The following ARHGAP39 variants were observed in gnomAD, a reference collection of about 807,000 sequenced individuals.
ARHGAP39 encodes the protein Rho GTPase activating protein 39.
In ARHGAP39, 44 loss-of-function variants were observed where a neutral mutation model predicts 106.9. That is an observed-to-expected ratio of 0.41 (90% confidence interval 0.32 to 0.53). ARHGAP39 has a LOEUF of 0.53. Ranked by LOEUF, ARHGAP39 falls within the 20% of genes least tolerant of loss-of-function variation. The probability of loss-of-function intolerance (pLI) is 0.21; values close to 1 mark genes in which losing one functional copy is unlikely to be tolerated. For synonymous variants in ARHGAP39, 768 were observed against 693.2 expected (o/e 1.11, Z -1.69); for missense variants, 1,496 against 1,577.3 (o/e 0.95, Z 0.87).
At chr8:144,653,888 C>A (rs1487766169) in intron 1 of ARHGAP39, among the ~76,000 whole-genome samples, 1 of 152,228 alleles carries the variant, frequency 6.6e-6, no homozygotes, top group Non-Finnish European at 1.5e-5. Context: ...TGTGAAAGAA[C>A]TGGCGCCGAA....
chr8:144,693,536 G>T, the ARHGAP39 span, among the ~76,000 whole-genome samples: 1 of 151,696 alleles, frequency 6.6e-6, no homozygotes, highest in South Asian at 2.1e-4. Flanking sequence ...GCCACCCCTG[G>T]CTAATTTTTT....
chr8:144,531,128 C>T (rs2721170), intron 10 of ARHGAP39, among the ~76,000 whole-genome samples: 16 of 150,578 alleles, frequency 1.1e-4, no homozygotes, highest in Non-Finnish European at 1.3e-4. Flanking sequence ...TCTCAGGAGT[C>T]GTCTGTGTAG....
At chr8:144,606,369 C>T (rs956734499) in intron 1 of ARHGAP39, among the ~76,000 whole-genome samples, 3 of 152,312 alleles carry the variant, frequency 2.0e-5, no homozygotes, top group East Asian at 1.9e-4. Context: ...TCCTTCTCCT[C>T]GGCCTACTCA....
intron 1 of ARHGAP39, among the ~76,000 whole-genome samples, chr8:144,652,316 T>C (rs1586638413): frequency 6.6e-6 from 1 of 152,182 alleles, no homozygotes. Context: ...ACACTGTTGG[T>C]GGGAATGTAA....
chr8:144,605,647 G>A lies in ARHGAP39; in HGVS notation c.-33C>T, dbSNP rs1820262805. 7 of 1,606,220 alleles carry A rather than the reference G, an allele frequency of 4.4e-6. No individual in the cohort carries two copies. The highest frequency in any genetic ancestry group is 1.6e-4 in the Middle Eastern group (1 of 6,078). On this transcript the variant is annotated 5_prime_UTR_variant, in exon 2 of 12. The change creates a new upstream start codon in the 5' untranslated region. Transcript: ENST00000377307. ...TGCTTCCGCGCCCACGTGGACAGAC[G>A]TCAGGGCACCATACGCACAACGCCA...
rs1328232038 is a variant in ARHGAP39, at chr8:144,581,071, T to C, written c.287A>G (p.Gln96Arg). 6.3e-7 allele frequency: 1 copy of C among 1,587,286 alleles called. No homozygotes were observed. Among genetic ancestry groups the C allele is most frequent in the Admixed American group, 1.8e-5 (1 of 55,254 alleles). Residue 96 changes from glutamine (Q) to arginine (R), a missense_variant, in exon 3 of 12, where the codon CAG becomes CGG. This residue lies in a region of ARHGAP39 where 25 missense variants were observed against 48.0 expected (regional missense o/e 0.52). Coordinates refer to ENST00000377307, the MANE Select transcript of ARHGAP39 (RefSeq NM_025251.3). ...STQRTVWHRPQGCDIIPLAKL... is the reference protein window; with the variant it reads ...STQRTVWHRPRGCDIIPLAKL... ...GGCCAGCGGGATGATGTCGCAGCCC[T>C]GCGGCCGGTGCCACACCGTGCGCTG...
intron 1 of ARHGAP39, among the ~76,000 whole-genome samples, chr8:144,676,926 C>T (rs751512007): frequency 6.6e-5 from 10 of 152,264 alleles, no homozygotes; most frequent in South Asian, 2.1e-4. Context: ...CTCACCTCCA[C>T]GCCCAGCTAA....
chr8:144,671,765 A>C lies in ARHGAP39; in HGVS notation c.-82+13921T>G, dbSNP rs1822107091. Among the ~76,000 whole-genome samples, 2 of 152,190 alleles carry C rather than the reference A, an allele frequency of 1.3e-5. No individual in the cohort carries two copies. The highest frequency in any genetic ancestry group is 1.3e-4 in the Admixed American group (2 of 15,282). Reference sequence around the variant, plus strand: ...GCACACGGCCACCTCTGCTGTCCACAGGATGTTAGCACAACTCACTCCCGT... The same window carrying C: ...GCACACGGCCACCTCTGCTGTCCACCGGATGTTAGCACAACTCACTCCCGT... On this transcript the variant is annotated intron_variant, in intron 1 of 11. Transcript: ENST00000377307. The surrounding 1 kb of genome is among the most constrained non-coding windows in gnomAD (Gnocchi z 4.5).
chr8:144,547,542 TC>T lies in ARHGAP39; in HGVS notation c.1543del (p.Asp515ThrfsTer22), dbSNP rs1387829850. 6.8e-7 allele frequency: 1 copy of T among 1,474,674 alleles called. No individual in the cohort carries two copies. The highest frequency in any genetic ancestry group is 9.0e-7 in the Non-Finnish European group (1 of 1,116,324). The allele number at this position is 1,474,674 out of a possible 1,614,324, so 91.3% of individuals were successfully genotyped here. ...TSATPTEGPG[D>X]LLVEQPLAEE... ...GGCCAGGGGCTGCTCCACAAGCAGG[TC>T]CCCGGGGCCCTCAGTGGGGGTGGCG... is the stretch of plus-strand genomic sequence containing the variant. On this transcript the variant is annotated frameshift_variant, in exon 5 of 12. Coordinates refer to ENST00000377307, the MANE Select transcript of ARHGAP39 (RefSeq NM_025251.3). LOFTEE classifies it high-confidence loss of function. The surrounding 1 kb of genome is among the most constrained non-coding windows in gnomAD (Gnocchi z 5.2).
chr8:144,648,345 T>G (rs181005997), intron 1 of ARHGAP39, among the ~76,000 whole-genome samples: 1 of 152,300 alleles, frequency 6.6e-6, no homozygotes, highest in East Asian at 1.9e-4. Context: ...TACAACTATT[T>G]TAGGCCCCTA....
At chr8:144,639,903 G>A (rs970127741) in intron 1 of ARHGAP39, among the ~76,000 whole-genome samples, 8 of 152,084 alleles carry the variant, frequency 5.3e-5, no homozygotes, top group African/African-American at 1.2e-4. Flanking sequence ...TTTGTTACAC[G>A]GATGCTTTGT....
At position 144,617,359 on chromosome 8, in the gene ARHGAP39, A is replaced by T. The variant is rs1384244638; in HGVS notation, c.-81-11664T>A. On this transcript the variant is annotated intron_variant, in intron 1 of 11. Coordinates refer to ENST00000377307, the MANE Select transcript of ARHGAP39 (RefSeq NM_025251.3). Reference sequence around the variant, plus strand: ...TGGCAGGCGGGACAAGCGGCGCAGCACCAGCAAGAGCCAGGAGACCTGAGC... The same window carrying T: ...TGGCAGGCGGGACAAGCGGCGCAGCTCCAGCAAGAGCCAGGAGACCTGAGC... Among the ~76,000 whole-genome samples, 9 of 152,268 alleles carry T rather than the reference A, an allele frequency of 5.9e-5. 1 individual carries two copies. The South Asian group carries it at 1.9e-3, about 32-fold the overall frequency.
Position 144,548,040 on chromosome 8 carries a change from G to T in ARHGAP39, c.1046C>A (p.Pro349Gln), listed in dbSNP as rs375011598. 1.1e-5 allele frequency: 18 copies of T among 1,603,726 alleles called. No individual in the cohort carries two copies. The Middle Eastern group carries it at 5.0e-4, about 44-fold the overall frequency. The change falls in exon 5 of 12, where the codon CCG (proline) becomes CAG (glutamine). Residue 349 changes from proline (P) to glutamine (Q), a missense_variant. By Grantham distance (76) the Pro-to-Gln change is moderately conservative. Around this residue, in one of 4 missense-constraint regions of ARHGAP39, gnomAD observed 905 missense variants for 816.4 expected, o/e 1.11. Transcript: ENST00000377307. The surrounding 1 kb of genome is among the most constrained non-coding windows in gnomAD (Gnocchi z 7.4). ...GYQAGSPQRS[P>Q]GRKPRPFLQP... Reference sequence around the variant, plus strand: ...GAGGAACGGCCGGGGCTTACGGCCCGGCGACCGCTGGGGAGAGCCGGCCTG... The same window carrying T: ...GAGGAACGGCCGGGGCTTACGGCCCTGCGACCGCTGGGGAGAGCCGGCCTG...
At position 144,548,526 on chromosome 8, in the gene ARHGAP39, C is replaced by T; in HGVS notation, c.597-37G>A. The T allele has an allele frequency of 1.3e-6, 2 of 1,589,438 alleles. No homozygotes were observed. Among genetic ancestry groups the T allele is most frequent in the South Asian group, 1.1e-5 (1 of 88,728 alleles). On this transcript the variant is annotated intron_variant, in intron 4 of 11. Transcript: ENST00000377307. This position sits in a 1 kb window ranked among gnomAD's most constrained non-coding sequence, Gnocchi z 7.4. ...GTGGACGGGCACAGGTGACTGCCTG[C>T]CTGCTGCTTCTGGGCACGCCCCACC...
intron 8 of ARHGAP39, among the ~76,000 whole-genome samples, chr8:144,533,828 C>T (rs1168037733): frequency 6.6e-6 from 1 of 152,176 alleles, no homozygotes; most frequent in Non-Finnish European, 1.5e-5. Context: ...GGGAAGGGGC[C>T]AGGCTCTTGG....
intron 1 of ARHGAP39, among the ~76,000 whole-genome samples, chr8:144,619,744 G>A (rs1233673895): frequency 6.7e-6 from 1 of 150,338 alleles, no homozygotes; most frequent in Non-Finnish European, 1.5e-5. Context: ...GTGTGAGCCT[G>A]TGTGTACCTC....
At chr8:144,595,056 A>C (rs954429789) in intron 2 of ARHGAP39, among the ~76,000 whole-genome samples, 2 of 152,236 alleles carry the variant, frequency 1.3e-5, no homozygotes, top group African/African-American at 4.8e-5. Context: ...AAAACCCCAC[A>C]GAGTTACCAC....
intron 3 of ARHGAP39, among the ~76,000 whole-genome samples, chr8:144,557,417 C>G (rs570960163): frequency 3.9e-5 from 5 of 129,374 alleles, no homozygotes; most frequent in Admixed American, 7.9e-5. Flanking sequence ...TCGTAGTATT[C>G]AGCGGCAAAA....
chr8:144,547,324 C>G lies in ARHGAP39; in HGVS notation c.1762G>C (p.Asp588His). The part of the protein sequence containing the change: ...SQQDGSGYES[D>H]GALPLPMPGP... ...GGCATGGGCAGTGGCAGGGCGCCGT[C>G]GCTCTCGTAGCCAGAGCCGTCCTGC... Residue 588 changes from aspartate (D) to histidine (H), a missense_variant, in exon 5 of 12, where the codon GAC becomes CAC. Asp to His is a moderately conservative substitution (Grantham distance 81). Transcript: ENST00000377307. The surrounding 1 kb of genome is among the most constrained non-coding windows in gnomAD (Gnocchi z 5.2). The G allele has an allele frequency of 6.2e-7, 1 of 1,609,422 alleles. No individual in the cohort carries two copies. The highest frequency in any genetic ancestry group is 8.5e-7 in the Non-Finnish European group (1 of 1,179,054).
Sources: gnomAD v4.1 joint callset for allele counts (sites outside exome capture counted in the v4.1 genomes callset) on GRCh38, gnomAD v4.1.1 for gene constraint, gnomAD v4.1.1 regional missense constraint, Gnocchi (gnomAD v3.1) non-coding constraint, MANE v1.5 for transcripts, NCBI Gene and HGNC (gene_info 2026-07-23, HGNC 2026-07-21) for gene names.